The following PDE4D variants were observed in gnomAD, a reference collection of about 807,000 sequenced individuals.
PDE4D encodes phosphodiesterase 4D.
A neutral mutation model predicts 87.4 loss-of-function variants in PDE4D; 24 were observed. The ratio of observed to expected loss-of-function variants is 0.27; its 90% CI spans 0.20 to 0.39. PDE4D has a LOEUF of 0.39. Ranked by LOEUF, PDE4D falls within the 10% of genes least tolerant of loss-of-function variation. The pLI is 1.00. For missense variants in PDE4D, 714 were observed against 1,041.0 expected (o/e 0.69, Z 4.32); for synonymous variants, 384 against 383.2 (o/e 1.00, Z -0.02).
At chr5:59,124,498 C>T (rs1367373158) in intron 5 of PDE4D, among the ~76,000 whole-genome samples, 1 of 152,164 alleles carries the variant, frequency 6.6e-6, no homozygotes, top group African/African-American at 2.4e-5. Flanking sequence ...TTGTAGCTTA[C>T]CTAGCCTCCC....
intron 1 of PDE4D, among the ~76,000 whole-genome samples, chr5:59,793,147 G>A (rs1766017756): frequency 6.6e-6 from 1 of 152,200 alleles, no homozygotes; most frequent in Admixed American, 6.5e-5. Context: ...CCGTGGAGGT[G>A]CATGATTTCC....
At chr5:60,387,893 C>T (rs528919302) in intron 1 of PDE4D, among the ~76,000 whole-genome samples, 6 of 152,146 alleles carry the variant, frequency 3.9e-5, no homozygotes, top group Non-Finnish European at 8.8e-5. Context: ...GATGCTTCCA[C>T]CTGTAGACAC....
intron 2 of PDE4D, among the ~76,000 whole-genome samples, chr5:60,149,135 T>C (rs142071752): frequency 2.0e-5 from 3 of 152,352 alleles, no homozygotes; most frequent in Non-Finnish European, 4.4e-5. Flanking sequence ...AGGTTTTCAT[T>C]TTGAAATCCA....
chr5:59,647,949 A>C (rs2150223366), intron 1 of PDE4D, among the ~76,000 whole-genome samples: 1 of 152,296 alleles, frequency 6.6e-6, no homozygotes, highest in South Asian at 2.1e-4. Flanking sequence ...ACACTGTAAT[A>C]GAAATATGAA....
chr5:59,730,416 G>T (rs1757213685), intron 1 of PDE4D, among the ~76,000 whole-genome samples: 1 of 152,108 alleles, frequency 6.6e-6, no homozygotes. Flanking sequence ...TTAGCTATTA[G>T]TTGAGATCAA....
At chr5:59,591,856 A>G (rs1011698903) in intron 1 of PDE4D, among the ~76,000 whole-genome samples, 1 of 152,184 alleles carries the variant, frequency 6.6e-6, no homozygotes, top group Admixed American at 6.5e-5. Context: ...ACACAAGGAT[A>G]TAGAAGCTAC....
intron 1 of PDE4D, among the ~76,000 whole-genome samples, chr5:59,256,082 AAAAG>A (rs1364623386): frequency 6.6e-6 from 1 of 152,116 alleles, no homozygotes; most frequent in African/African-American, 2.4e-5. Flanking sequence ...GTTGCTAGAT[AAAAG>A]ATAGACAAGA....
At chr5:59,138,422 G>A (rs1403052631) in intron 5 of PDE4D, among the ~76,000 whole-genome samples, 2 of 152,088 alleles carry the variant, frequency 1.3e-5, no homozygotes, top group Non-Finnish European at 2.9e-5. Context: ...TGAGTAGCTG[G>A]GACTACAGGT....
chr5:59,793,674 C>T (rs987911785), intron 1 of PDE4D, among the ~76,000 whole-genome samples: 3 of 152,294 alleles, frequency 2.0e-5, no homozygotes, highest in East Asian at 3.9e-4. Flanking sequence ...ACATTTAATG[C>T]AAAGGAAAGC....
rs528235005 is a variant in PDE4D, at chr5:59,970,605, A to C, written c.272+17883T>G. ...TGTGCAGCCAAAAAACACATGAAAA[A>C]ATGCTCACCATCACTGGCCATCAGA... On this transcript the variant is annotated intron_variant, in intron 3 of 16. Transcript: ENST00000502484. 3.5e-3 allele frequency among the ~76,000 whole-genome samples: 530 copies of C among 152,122 alleles called. 2 individuals are homozygous for C. The highest frequency in any genetic ancestry group is 0.012 in the African/African-American group (495 of 41,504).
At chr5:60,396,312 T>C (rs1376199470) in intron 1 of PDE4D, among the ~76,000 whole-genome samples, 3 of 152,174 alleles carry the variant, frequency 2.0e-5, no homozygotes, top group Non-Finnish European at 4.4e-5. Flanking sequence ...TGTGTCTTCC[T>C]TTATGAAGTC....
intron 1 of PDE4D, chr5:59,356,973 A>C: frequency 8.3e-7 from 1 of 1,207,296 alleles, no homozygotes; most frequent in South Asian, 2.1e-5. Context: ...TCCTTTGTGC[A>C]GTGGTATGCG....
At chr5:59,825,771 G>A (rs1372510567) in intron 1 of PDE4D, among the ~76,000 whole-genome samples, 1 of 152,158 alleles carries the variant, frequency 6.6e-6, no homozygotes, top group Admixed American at 6.5e-5. Context: ...CTGCATCAGG[G>A]CAGAGACCTG....
chr5:59,202,286 T>C (rs985739684), intron 2 of PDE4D, among the ~76,000 whole-genome samples: 6 of 152,062 alleles, frequency 3.9e-5, no homozygotes, highest in Admixed American at 6.6e-5. Flanking sequence ...GTGATCCACC[T>C]GCCTCGGCCT....
At chr5:59,164,659 A>T (rs72764085) in intron 5 of PDE4D, among the ~76,000 whole-genome samples, 15,865 of 152,018 alleles carry the variant, frequency 0.1, 1,087 homozygotes, top group Middle Eastern at 0.16. Context: ...TCTTTTTTTT[A>T]AAAAAATGAT....
chr5:59,399,656 C>G (rs1411961444), intron 1 of PDE4D, among the ~76,000 whole-genome samples: 2 of 133,488 alleles, frequency 1.5e-5, no homozygotes, highest in African/African-American at 2.7e-5. Context: ...CATTACCATT[C>G]AGGACACAGG....
chr5:59,695,370 A>G (rs1580478179), intron 1 of PDE4D, among the ~76,000 whole-genome samples: 1 of 152,094 alleles, frequency 6.6e-6, no homozygotes, highest in South Asian at 2.1e-4. Context: ...TATTGCCATA[A>G]TATTATACCA....
chr5:60,210,011 G>A (rs568330858), intron 1 of PDE4D, among the ~76,000 whole-genome samples: 1 of 152,206 alleles, frequency 6.6e-6, no homozygotes, highest in East Asian at 1.9e-4. Context: ...ATACACAGCA[G>A]CTCAGTCTTA....
intron 1 of PDE4D, among the ~76,000 whole-genome samples, chr5:60,395,928 T>C (rs1463330932): frequency 6.6e-6 from 1 of 152,030 alleles, no homozygotes; most frequent in Non-Finnish European, 1.5e-5. Context: ...TGTAGAGTGG[T>C]CCAGGTTGTT....
Sources: gnomAD v4.1 joint callset for allele counts (sites outside exome capture counted in the v4.1 genomes callset) on GRCh38, gnomAD v4.1.1 for gene constraint, MANE v1.5 for transcripts, NCBI Gene and HGNC (gene_info 2026-07-23, HGNC 2026-07-21) for gene names.